The following SOX5 variants were observed in gnomAD, a reference collection of about 807,000 sequenced individuals.
SOX5 encodes SRY-box transcription factor 5.
Under a neutral mutation model 92.0 loss-of-function variants are expected in SOX5, and 9 were observed. The ratio of observed to expected loss-of-function variants is 0.10; its 90% CI spans 0.06 to 0.17. The LOEUF is 0.17. Among genes scored for constraint, SOX5 ranks in the 10% least tolerant of loss-of-function variants. The pLI is 1.00. For missense variants in SOX5, 642 were observed against 944.5 expected (o/e 0.68, Z 4.20); for synonymous variants, 344 against 336.3 (o/e 1.02, Z -0.25).
intron 3 of SOX5, among the ~76,000 whole-genome samples, chr12:23,792,651 A>C (rs1025429264): frequency 2.7e-4 from 40 of 147,328 alleles, no homozygotes; most frequent in Middle Eastern, 3.5e-3. Flanking sequence ...AAAAAAAAAA[A>C]AAAAAAAAAA....
chr12:23,644,047 G>A (rs1352901089), intron 7 of SOX5, among the ~76,000 whole-genome samples: 6 of 152,038 alleles, frequency 3.9e-5, no homozygotes, highest in African/African-American at 1.5e-4. Flanking sequence ...GTGTGTCCTG[G>A]GTCTGGTAAT....
At chr12:24,291,965 T>C (rs1452959635) in intron 2 of SOX5, among the ~76,000 whole-genome samples, 1 of 152,154 alleles carries the variant, frequency 6.6e-6, no homozygotes, top group Non-Finnish European at 1.5e-5. Flanking sequence ...GAAGTAACAA[T>C]AACATACAGT....
In SOX5 at chr12:23,859,770, T is replaced by C. The variant is rs570506573; in HGVS notation, c.271-13577A>G. ...CCTGGAGGCCGAGCTGTAAAATGTC[T>C]CTCTTTATACTCTTTCTCTTTATTT... On this transcript the variant is annotated intron_variant, in intron 2 of 14. Transcript: ENST00000451604. 2.0e-5 allele frequency among the ~76,000 whole-genome samples: 3 copies of C among 152,276 alleles called. No individual in the cohort carries two copies. In the South Asian group the frequency reaches 6.2e-4, roughly 32 times the overall value.
chr12:24,177,726 G>A (rs945836274), intron 4 of SOX5, among the ~76,000 whole-genome samples: 1 of 150,612 alleles, frequency 6.6e-6, no homozygotes, highest in African/African-American at 2.5e-5. Context: ...TATTCTCTTG[G>A]GATAATAAAA....
intron 3 of SOX5, among the ~76,000 whole-genome samples, chr12:24,216,618 T>C (rs76057452): frequency 0.029 from 4,388 of 152,170 alleles, 174 homozygotes; most frequent in African/African-American, 0.095. Flanking sequence ...AATAAATACC[T>C]TGAATAAAAA....
At chr12:23,950,768 A>G (rs2139843224), upstream of SOX5, 4 of 1,088,338 alleles carry the variant, frequency 3.7e-6, no homozygotes, top group South Asian at 5.4e-5. Flanking sequence ...AGCAGTTCCA[A>G]TTATCTAGAT....
chr12:23,658,876 G>A (rs1269086480), intron 7 of SOX5, among the ~76,000 whole-genome samples: 1 of 152,216 alleles, frequency 6.6e-6, no homozygotes, highest in Non-Finnish European at 1.5e-5. Context: ...CTGGGCAACA[G>A]AGCGAGACTC....
chr12:23,754,033 T>C (rs1341972386), intron 4 of SOX5, among the ~76,000 whole-genome samples: 1 of 151,802 alleles, frequency 6.6e-6, no homozygotes, highest in Admixed American at 6.6e-5. Context: ...ACCTAACTTA[T>C]ACTCTGAATG....
intron 1 of SOX5, among the ~76,000 whole-genome samples, chr12:24,410,770 A>G (rs537914506): frequency 6.6e-5 from 10 of 152,278 alleles, no homozygotes; most frequent in African/African-American, 2.4e-4. Context: ...TTCTATTTCA[A>G]AGTTCTTTTA....
intron 1 of SOX5, among the ~76,000 whole-genome samples, chr12:23,927,224 C>A (rs1474900037): frequency 6.6e-6 from 1 of 152,050 alleles, no homozygotes; most frequent in Non-Finnish European, 1.5e-5. Flanking sequence ...AACTACGTAA[C>A]CATTCTGGGG....
At chr12:24,083,503 A>G (rs1400777061) in intron 4 of SOX5, among the ~76,000 whole-genome samples, 2 of 152,086 alleles carry the variant, frequency 1.3e-5, no homozygotes, top group African/African-American at 4.8e-5. Context: ...ATACAATTAA[A>G]CATTTGTAAT....
intron 3 of SOX5, among the ~76,000 whole-genome samples, chr12:23,831,349 TA>T (rs1161914778): frequency 6.6e-6 from 1 of 152,094 alleles, no homozygotes; most frequent in Non-Finnish European, 1.5e-5. Context: ...GGAATAAACA[TA>T]AAACTGTCCA....
At chr12:23,975,475 T>G (rs1340961911) in intron 4 of SOX5, among the ~76,000 whole-genome samples, 4 of 152,110 alleles carry the variant, frequency 2.6e-5, no homozygotes, top group East Asian at 1.9e-4. Context: ...TGAACTACGG[T>G]TTGTTTTATC....
At chr12:24,277,741 G>A (rs1399210606) in intron 2 of SOX5, among the ~76,000 whole-genome samples, 3 of 151,800 alleles carry the variant, frequency 2.0e-5, no homozygotes, top group Non-Finnish European at 4.4e-5. Context: ...TTTAGGACAG[G>A]CTAAACTAAG....
At chr12:23,813,829 T>C (rs1373065324) in intron 3 of SOX5, among the ~76,000 whole-genome samples, 1 of 152,168 alleles carries the variant, frequency 6.6e-6, no homozygotes, top group Non-Finnish European at 1.5e-5. Context: ...TGGGAGATAC[T>C]TGCCGAATTA....
chr12:23,912,714 G>A (rs914230000), intron 1 of SOX5, among the ~76,000 whole-genome samples: 8 of 152,208 alleles, frequency 5.3e-5, no homozygotes, highest in African/African-American at 1.2e-4. Flanking sequence ...AAAACATTAC[G>A]CCAAGTGAAA....
Position 24,050,335 on chromosome 12 carries a change from A to G in SOX5, c.-1-154311T>C, listed in dbSNP as rs1309535333. On this transcript the variant is annotated intron_variant, in intron 4 of 4. Coordinates refer to the SOX5 transcript ENST00000446891. Reference sequence around the variant, plus strand: ...ATTTCTTCAATCCTGTTGACTAGACATACATTACTCAGAGGATCATAAGCT... The same window carrying G: ...ATTTCTTCAATCCTGTTGACTAGACGTACATTACTCAGAGGATCATAAGCT... Among the ~76,000 whole-genome samples the G allele has an allele frequency of 2.6e-5, 4 of 152,300 alleles. No homozygotes were observed. In the East Asian group the frequency reaches 7.7e-4, roughly 29 times the overall value.
chr12:24,375,533 G>A (rs1418831952), intron 1 of SOX5, among the ~76,000 whole-genome samples: 5 of 151,502 alleles, frequency 3.3e-5, no homozygotes, highest in African/African-American at 7.3e-5. Flanking sequence ...TCAGGAGTTC[G>A]AGACCAGCCT....
At chr12:24,185,049 A>G (rs1400313887) in intron 4 of SOX5, among the ~76,000 whole-genome samples, 1 of 152,098 alleles carries the variant, frequency 6.6e-6, no homozygotes, top group African/African-American at 2.4e-5. Flanking sequence ...GAAAGACAAC[A>G]GCATTGACAG....
Sources: allele counts gnomAD v4.1 joint callset (sites outside exome capture counted in the v4.1 genomes callset), GRCh38; gene constraint gnomAD v4.1.1; transcripts MANE v1.5; gene names NCBI Gene and HGNC (gene_info 2026-07-23, HGNC 2026-07-21).